PACRG: variants seen among roughly 807,000 people sequenced by gnomAD.
The protein encoded by PACRG is parkin coregulated.
Under a neutral mutation model 29.7 loss-of-function variants are expected in PACRG, and 29 were observed. That is an observed-to-expected ratio of 0.98 (90% CI 0.73 to 1.33). PACRG has a LOEUF of 1.33. Among genes scored for constraint, PACRG ranks in the 40% most tolerant of loss-of-function variants. PACRG has a pLI of 0.00. For synonymous variants in PACRG, 116 were observed against 118.7 expected, an observed-to-expected ratio of 0.98 and a Z score of 0.15; for missense variants, 279 against 316.2, an observed-to-expected ratio of 0.88 and a Z score of 0.89.
chr6:163,314,999 G>C lies in PACRG; in HGVS notation c.*12G>C. The C allele has an allele frequency of 1.2e-6, 2 of 1,611,318 alleles. No individual in the cohort carries two copies. The highest frequency in any genetic ancestry group is 1.7e-6 in the Non-Finnish European group (2 of 1,178,128). On this transcript the variant is annotated 3_prime_UTR_variant, in exon 5 of 5. Coordinates refer to ENST00000366888, the MANE Select transcript of PACRG (RefSeq NM_001080379.2). ...GCTTGCTAAACTAACAGTGGCAGCA[G>C]CTGGGACTTGAAACCTCCCGTTGGT... is the stretch of plus-strand genomic sequence containing the variant.
In PACRG at chr6:162,785,526, C is replaced by T. The variant is rs377576222; in HGVS notation, c.157-28621C>T. On this transcript the variant is annotated intron_variant, in intron 1 of 4. Coordinates refer to ENST00000366888, the MANE Select transcript of PACRG (RefSeq NM_001080379.2). The stretch of plus-strand genomic sequence containing the variant: ...CAGTGGTCTGCAACCTATTTGGTGC[C>T]GGGGACTGGTTTCATGGAAGACAGT... 9.5e-5 allele frequency among the ~76,000 whole-genome samples: 11 copies of T among 115,188 alleles called. No homozygotes were observed. The East Asian group carries it at 1.5e-3, about 15-fold the overall frequency. The allele number at this position is 115,188 out of a possible 152,430, so 75.6% of individuals were successfully genotyped here.
At chr6:163,304,015 CAAAAA>C (rs59861286) in intron 4 of PACRG, among the ~76,000 whole-genome samples, 1 of 76,248 alleles carries the variant, frequency 1.3e-5, no homozygotes, top group Non-Finnish European at 2.4e-5. Context: ...GACTCCATTT[CAAAAA>C]AAAAAAAAAA....
In PACRG at chr6:163,289,745, GGGGA is replaced by G. The variant is rs539822744; in HGVS notation, c.614-25081_614-25078del. Among the ~76,000 whole-genome samples the G allele has an allele frequency of 4.3e-3, 658 of 152,228 alleles. 5 individuals carry two copies. Among genetic ancestry groups the G allele is most frequent in the African/African-American group, 0.014 (589 of 41,536 alleles). ...CTATGAGGAAATGAAGACCGGGAGT[GGGGA>G]CAGGGGGAGCTGGTGCCAGGGCAGG... is the stretch of plus-strand genomic sequence containing the variant. On this transcript the variant is annotated intron_variant, in intron 4 of 4. Coordinates refer to ENST00000366888, the MANE Select transcript of PACRG (RefSeq NM_001080379.2).
intron 4 of PACRG, among the ~76,000 whole-genome samples, chr6:163,125,224 T>C (rs1472543241): frequency 6.6e-6 from 1 of 152,230 alleles, no homozygotes; most frequent in Admixed American, 6.5e-5. Flanking sequence ...TCAGGAGGTA[T>C]GTCTCATAGC....
intron 4 of PACRG, among the ~76,000 whole-genome samples, chr6:163,227,060 C>G (rs1781834168): frequency 6.6e-6 from 1 of 152,052 alleles, no homozygotes; most frequent in Admixed American, 6.5e-5. Context: ...CATGTAAAAA[C>G]ATGACTTCCT....
At position 162,871,795 on chromosome 6, in the gene PACRG, G is replaced by A. The variant is rs183459443; in HGVS notation, c.291+57514G>A. On this transcript the variant is annotated intron_variant, in intron 2 of 4. Coordinates refer to ENST00000366888, the MANE Select transcript of PACRG (RefSeq NM_001080379.2). ...TAGCTGGGCGTGGTAGCAGGCGCCTGTAGTCCCAGCTACTCGGGAGGCTGA... is the reference window on the plus strand; with the variant it reads ...TAGCTGGGCGTGGTAGCAGGCGCCTATAGTCCCAGCTACTCGGGAGGCTGA... 3.9e-5 allele frequency among the ~76,000 whole-genome samples: 6 copies of A among 152,164 alleles called. No individual in the cohort carries two copies. In the East Asian group the frequency reaches 9.7e-4, roughly 25 times the overall value.
intron 2 of PACRG, among the ~76,000 whole-genome samples, chr6:162,909,165 C>T (rs963779242): frequency 6.6e-6 from 1 of 152,176 alleles, no homozygotes; most frequent in African/African-American, 2.4e-5. Flanking sequence ...GTACTACTTT[C>T]CACTTCACAA....
intron 4 of PACRG, among the ~76,000 whole-genome samples, chr6:163,243,744 A>G (rs768186206): frequency 4.6e-5 from 7 of 152,186 alleles, no homozygotes; most frequent in Non-Finnish European, 8.8e-5. Flanking sequence ...CACTAACCTG[A>G]TGGAAATTTA....
chr6:163,206,038 A>C (rs908126146), intron 4 of PACRG, among the ~76,000 whole-genome samples: 1 of 152,218 alleles, frequency 6.6e-6, no homozygotes, highest in Non-Finnish European at 1.5e-5. Flanking sequence ...CAGAATGGCT[A>C]TTGCTAAAAA....
chr6:163,217,712 T>C (rs1035961277), intron 4 of PACRG, among the ~76,000 whole-genome samples: 1 of 152,088 alleles, frequency 6.6e-6, no homozygotes, highest in African/African-American at 2.4e-5. Context: ...GCAGCAGCAT[T>C]GGATTCTCAC....
chr6:163,306,431 T>C (rs1211560224), intron 4 of PACRG, among the ~76,000 whole-genome samples: 1 of 152,250 alleles, frequency 6.6e-6, no homozygotes, highest in Non-Finnish European at 1.5e-5. Flanking sequence ...CTATTTTTCT[T>C]AGTATAACTT....
chr6:163,061,325 CA>C (rs1327952089), intron 2 of PACRG, among the ~76,000 whole-genome samples: 5 of 152,298 alleles, frequency 3.3e-5, no homozygotes, highest in Non-Finnish European at 5.9e-5. Context: ...CAAGCAAGAC[CA>C]AATCTTCTAC....
At chr6:162,892,944 GAGA>G (rs1311264329) in intron 2 of PACRG, among the ~76,000 whole-genome samples, 1,134 of 111,024 alleles carry the variant, frequency 0.01, no homozygotes, top group African/African-American at 0.034. Context: ...CCACACCCCA[GAGA>G]AGAACCACCT....
chr6:163,214,266 T>C (rs912721676), intron 4 of PACRG, among the ~76,000 whole-genome samples: 16 of 152,184 alleles, frequency 1.1e-4, no homozygotes, highest in Non-Finnish European at 2.2e-4. Context: ...AATAGCCACA[T>C]GTGGCTAGTG....
intron 3 of PACRG, among the ~76,000 whole-genome samples, chr6:163,069,056 C>T (rs964434197): frequency 6.6e-6 from 1 of 151,910 alleles, no homozygotes; most frequent in Non-Finnish European, 1.5e-5. Context: ...ACCAATTGAC[C>T]AACAAGGCAG....
intron 4 of PACRG, among the ~76,000 whole-genome samples, chr6:163,271,343 C>T (rs1404844199): frequency 4.5e-5 from 1 of 22,166 alleles, no homozygotes; most frequent in Admixed American, 3.5e-4. Flanking sequence ...ACACCAGGAA[C>T]AATACTTTGC....
rs143176808 is a variant in PACRG at position 163,081,003 on chromosome 6, C to T, written c.464-8256C>T. Among the ~76,000 whole-genome samples, 715 of 152,142 alleles carry T rather than the reference C, an allele frequency of 4.7e-3. 2 individuals are homozygous for T. In the Middle Eastern group the frequency reaches 0.048, roughly 10 times the overall value. On this transcript the variant is annotated intron_variant, in intron 3 of 4. Transcript: ENST00000366888. ...TCTAAATCGATCATACTTTAATTGC[C>T]TAGGAATATGATAAATCAGGCTGTG... is the stretch of plus-strand genomic sequence containing the variant.
intron 4 of PACRG, among the ~76,000 whole-genome samples, chr6:163,249,193 A>G (rs1782810602): frequency 6.6e-6 from 1 of 152,220 alleles, no homozygotes; most frequent in Non-Finnish European, 1.5e-5. Flanking sequence ...ATGCACGCAA[A>G]GTCTCTGGGT....
intron 2 of PACRG, among the ~76,000 whole-genome samples, chr6:162,837,216 T>G (rs1789306247): frequency 6.6e-6 from 1 of 152,118 alleles, no homozygotes; most frequent in South Asian, 2.1e-4. Flanking sequence ...AGGAAATTAG[T>G]GTTATTAAAG....
Sources: gnomAD v4.1 joint callset for allele counts (sites outside exome capture counted in the v4.1 genomes callset) on GRCh38, gnomAD v4.1.1 for gene constraint, MANE v1.5 for transcripts, NCBI Gene and HGNC (gene_info 2026-07-23, HGNC 2026-07-21) for gene names.